The following FBXL4 variants were observed in gnomAD, a reference collection of about 807,000 sequenced individuals.
FBXL4 encodes F-box/LRR-repeat protein 4.
FBXL4 carries 40 observed loss-of-function variants against 58.9 expected under a neutral mutation model. That is an observed-to-expected ratio of 0.68 (90% CI 0.53 to 0.88). FBXL4 has a LOEUF of 0.88. Ranked by LOEUF, FBXL4 falls within the 40% of genes least tolerant of loss-of-function variation. The pLI is 0.00. For synonymous variants in FBXL4, 263 were observed against 265.5 expected (o/e 0.99, Z 0.09); for missense variants, 676 against 734.4 (o/e 0.92, Z 0.92).
chr6:98,922,076 C>G (rs1419294948), intron 4 of FBXL4, among the ~76,000 whole-genome samples: 1 of 152,120 alleles, frequency 6.6e-6, no homozygotes, highest in South Asian at 2.1e-4. Flanking sequence ...TACAGGTGCC[C>G]GCCACCACGC....
intron 5 of FBXL4, among the ~76,000 whole-genome samples, chr6:98,917,035 T>C (rs143626457): frequency 8.5e-5 from 13 of 152,180 alleles, no homozygotes; most frequent in East Asian, 3.9e-4. Flanking sequence ...ACATAACTAA[T>C]AAAAAGTTAA....
At chr6:98,914,347 G>A (rs1312356112) in intron 5 of FBXL4, among the ~76,000 whole-genome samples, 1 of 152,056 alleles carries the variant, frequency 6.6e-6, no homozygotes, top group Non-Finnish European at 1.5e-5. Flanking sequence ...ACCAAAGCTG[G>A]GCAGAGACAC....
chr6:98,939,481 G>C (rs1015517909), intron 1 of FBXL4, among the ~76,000 whole-genome samples: 2 of 152,188 alleles, frequency 1.3e-5, no homozygotes, highest in African/African-American at 4.8e-5. Context: ...CATAAGAACT[G>C]CATTTTCAAT....
intron 7 of FBXL4, chr6:98,899,061 G>A (rs1014403802): frequency 1.2e-5 from 12 of 985,156 alleles, no homozygotes; most frequent in Non-Finnish European, 1.4e-5. Context: ...AGAGCATAGA[G>A]AAGAACATTT....
chr6:98,893,588 G>A (rs533546071), intron 7 of FBXL4, among the ~76,000 whole-genome samples: 4 of 152,266 alleles, frequency 2.6e-5, no homozygotes, highest in Admixed American at 6.5e-5. Context: ...TTCAATGTAC[G>A]AATTTCAGGG....
chr6:98,912,518 T>C (rs1280692981), intron 5 of FBXL4, among the ~76,000 whole-genome samples: 1 of 152,140 alleles, frequency 6.6e-6, no homozygotes, highest in Non-Finnish European at 1.5e-5. Context: ...TGGGGGCCAA[T>C]ATTCAACATT....
At chr6:98,906,829 T>C (rs1006097622) in intron 5 of FBXL4, among the ~76,000 whole-genome samples, 2 of 152,154 alleles carry the variant, frequency 1.3e-5, no homozygotes, top group African/African-American at 4.8e-5. Flanking sequence ...CTCTCCAGCA[T>C]CTGTTGTTTC....
At chr6:98,919,868 G>A (rs1178202530) in intron 4 of FBXL4, among the ~76,000 whole-genome samples, 1 of 152,062 alleles carries the variant, frequency 6.6e-6, no homozygotes, top group Non-Finnish European at 1.5e-5. Context: ...ACTGCAAATT[G>A]ACACCAGACG....
chr6:98,915,578 C>T (rs1313862017), intron 5 of FBXL4, among the ~76,000 whole-genome samples: 3 of 151,544 alleles, frequency 2.0e-5, no homozygotes, highest in Non-Finnish European at 4.4e-5. Context: ...GAAAGGATTC[C>T]CTATTTAATA....
At chr6:98,943,464 T>C (rs1466643810) in intron 1 of FBXL4, among the ~76,000 whole-genome samples, 6 of 149,996 alleles carry the variant, frequency 4.0e-5, no homozygotes, top group Admixed American at 3.4e-4. Flanking sequence ...TCCAGGCTAC[T>C]TGAGAGGCTG....
chr6:98,889,275 A>G (rs1011703773), intron 7 of FBXL4, among the ~76,000 whole-genome samples: 4 of 152,184 alleles, frequency 2.6e-5, no homozygotes, highest in Non-Finnish European at 2.9e-5. Flanking sequence ...CCATACTCCA[A>G]TGATTATAAC....
chr6:98,875,248 C>T, intron 9 of FBXL4, 167 bp downstream of exon 9: 1 of 648,164 alleles, frequency 1.5e-6, no homozygotes, highest in South Asian at 1.7e-5. Context: ...ATAATTATTC[C>T]CTATATTAAC....
intron 5 of FBXL4, among the ~76,000 whole-genome samples, chr6:98,916,870 A>C (rs943761596): frequency 6.6e-6 from 1 of 151,928 alleles, no homozygotes; most frequent in Non-Finnish European, 1.5e-5. Context: ...AGGTAATAGC[A>C]CTACCTGCCT....
intron 5 of FBXL4, among the ~76,000 whole-genome samples, chr6:98,914,063 T>C (rs1479669388): frequency 6.6e-6 from 1 of 152,264 alleles, no homozygotes; most frequent in Non-Finnish European, 1.5e-5. Flanking sequence ...CTAGAAAATA[T>C]AGAAGAAATG....
At chr6:98,882,280 A>G (rs981595722) in intron 7 of FBXL4, among the ~76,000 whole-genome samples, 14 of 152,134 alleles carry the variant, frequency 9.2e-5, no homozygotes, top group African/African-American at 3.1e-4. Flanking sequence ...GTATGGCTCC[A>G]TCCATTCACA....
intron 7 of FBXL4, among the ~76,000 whole-genome samples, chr6:98,887,315 T>C (rs900471622): frequency 1.3e-5 from 2 of 152,146 alleles, no homozygotes; most frequent in African/African-American, 4.8e-5. Flanking sequence ...AAAATATTTA[T>C]TGTCAAGAAT....
chr6:98,938,940 T>A (rs1773324460), intron 1 of FBXL4, among the ~76,000 whole-genome samples: 3 of 151,756 alleles, frequency 2.0e-5, no homozygotes, highest in Non-Finnish European at 4.4e-5. Flanking sequence ...AATAAAAAAT[T>A]AGCTAAGTGT....
intron 2 of FBXL4, among the ~76,000 whole-genome samples, chr6:98,929,766 T>G (rs923036454): frequency 2.6e-5 from 4 of 151,972 alleles, no homozygotes; most frequent in Non-Finnish European, 5.9e-5. Flanking sequence ...CTTCATAAAG[T>G]CAAAACTCTG....
intron 4 of FBXL4, among the ~76,000 whole-genome samples, chr6:98,924,536 G>A (rs1036701283): frequency 2.6e-5 from 4 of 152,120 alleles, no homozygotes; most frequent in Non-Finnish European, 2.9e-5. Flanking sequence ...CAGCCTGGGC[G>A]ACAGAGTGAG....
Sources: gnomAD v4.1 joint callset for allele counts (sites outside exome capture counted in the v4.1 genomes callset) on GRCh38, gnomAD v4.1.1 for gene constraint, MANE v1.5 for transcripts, NCBI Gene and HGNC (gene_info 2026-07-23, HGNC 2026-07-21) for gene names.